The following ZNF334 variants were observed in gnomAD, a reference collection of about 807,000 sequenced individuals.
ZNF334 encodes the protein zinc finger protein 334.
Under a neutral mutation model 12.4 loss-of-function variants are expected in ZNF334, and 14 were observed. The ratio of observed to expected loss-of-function variants is 1.13; its 90% confidence interval spans 0.74 to 1.76. ZNF334 has a LOEUF of 1.76. Ranked by LOEUF, ZNF334 falls within the 40% of genes most tolerant of loss-of-function variation. The pLI is 0.00. For missense variants in ZNF334, 797 were observed against 804.5 expected (o/e 0.99, Z 0.11); for synonymous variants, 273 against 269.6 (o/e 1.01, Z -0.12).
the ZNF334 span, chr20:46,464,506 C>A: frequency 2.7e-4 from 131 of 490,196 alleles, 1 homozygote; most frequent in African/African-American, 2.2e-3. Context: ...TGCTGCACTG[C>A]ACAGCAAATG....
At chr20:46,498,700 C>T (rs1463160622), downstream of ZNF334, among the ~76,000 whole-genome samples, 1 of 152,154 alleles carries the variant, frequency 6.6e-6, no homozygotes, top group Non-Finnish European at 1.5e-5. Context: ...AATTGTCTCC[C>T]CAAAATGTGT....
the ZNF334 span, among the ~76,000 whole-genome samples, chr20:46,483,694 CTT>C: frequency 6.6e-6 from 1 of 152,088 alleles, no homozygotes; most frequent in Non-Finnish European, 1.5e-5. Context: ...TCTGGGCTCT[CTT>C]TCTTTGATCT....
At chr20:46,512,163 T>C in intron 1 of ZNF334, 23 bp from the exon 2 acceptor site, 4 of 1,594,176 alleles carry the variant, frequency 2.5e-6, no homozygotes, top group Non-Finnish European at 3.4e-6. Flanking sequence ...GAATGGCGAA[T>C]GGAATCATGA....
chr20:46,474,051 G>T, the ZNF334 span, among the ~76,000 whole-genome samples: 1 of 152,188 alleles, frequency 6.6e-6, no homozygotes, highest in Non-Finnish European at 1.5e-5. Context: ...TCTTCTGAGG[G>T]ATGCTAAATG....
chr20:46,488,747 CT>C, the ZNF334 span, among the ~76,000 whole-genome samples: 2 of 146,950 alleles, frequency 1.4e-5, no homozygotes, highest in African/African-American at 5.0e-5. Flanking sequence ...CTGGAAAGGT[CT>C]TTTGTTTGTC....
At chr20:46,489,889 T>G in the ZNF334 span, among the ~76,000 whole-genome samples, 1 of 152,300 alleles carries the variant, frequency 6.6e-6, no homozygotes, top group East Asian at 1.9e-4. Context: ...ATCTTATCAG[T>G]GGCAGATTTT....
the ZNF334 span, among the ~76,000 whole-genome samples, chr20:46,477,619 G>C: frequency 6.6e-6 from 1 of 152,228 alleles, no homozygotes; most frequent in Non-Finnish European, 1.5e-5. Context: ...TTACAGGTAT[G>C]AGCCGCCATG....
downstream of ZNF334, among the ~76,000 whole-genome samples, chr20:46,497,562 C>T (rs572600433): frequency 1.2e-4 from 19 of 152,316 alleles, no homozygotes. Context: ...AACTAATATA[C>T]TATCTTCCCC....
Position 46,501,112 on chromosome 20 carries a change from T to C in ZNF334, c.*184A>G. Reference sequence around the variant, plus strand: ...TAGTTCACAATGAATAATACATTTATTAAACAAATTATTTCTTTCCTACAT... The same window carrying C: ...TAGTTCACAATGAATAATACATTTACTAAACAAATTATTTCTTTCCTACAT... On this transcript the variant is annotated 3_prime_UTR_variant, in exon 5 of 5. Transcript: ENST00000692313. The C allele has an allele frequency of 4.5e-6, 3 of 664,100 alleles. No individual in the cohort carries two copies. The highest frequency in any genetic ancestry group is 7.2e-6 in the Non-Finnish European group (3 of 416,238). 41.1% of individuals were successfully genotyped at this position (664,100 alleles called of 1,614,324 possible). A position where few individuals can be genotyped will look rare whatever the true frequency, so the allele number is the denominator to read the frequency against.
At chr20:46,504,856 T>C (rs2061376552) in intron 2 of ZNF334, 116 bp from the exon 3 acceptor site, 3 of 876,980 alleles carry the variant, frequency 3.4e-6, no homozygotes, top group Non-Finnish European at 5.0e-6. Context: ...AGAGATGTAA[T>C]TGTGGGAGGG....
At chr20:46,496,044 G>T (rs1030299346), downstream of ZNF334, among the ~76,000 whole-genome samples, 1 of 152,148 alleles carries the variant, frequency 6.6e-6, no homozygotes, top group African/African-American at 2.4e-5. Flanking sequence ...GCCACTTCAG[G>T]TCTAGGAATT....
At chr20:46,499,609 TA>T (rs1240842604), downstream of ZNF334, 1 of 152,206 alleles carries the variant, frequency 6.6e-6, no homozygotes, top group Non-Finnish European at 1.5e-5. Flanking sequence ...GAGATAAATT[TA>T]GACAAATTTG....
At chr20:46,483,921 T>C in the ZNF334 span, among the ~76,000 whole-genome samples, 1 of 152,230 alleles carries the variant, frequency 6.6e-6, no homozygotes, top group Non-Finnish European at 1.5e-5. Flanking sequence ...ATGTATATAC[T>C]TGGGAGACCT....
In ZNF334 at chr20:46,502,069, G is replaced by C. The variant is rs143794973; in HGVS notation, c.1270C>G (p.Arg424Gly). Residue 424 changes from arginine (R) to glycine (G), a missense_variant, in exon 5 of 5, where the codon CGA becomes GGA. Transcript: ENST00000692313. ...GGCTTCTCTCCTGTATGACTTCTTC[G>C]ATGCACATTGAGGGCAGATTGACAA... ...FFCQSALNVH[R>G]RSHTGEKPYE... 5 of 1,613,968 alleles carry C rather than the reference G, an allele frequency of 3.1e-6. No individual in the cohort carries two copies. Among genetic ancestry groups the C allele is most frequent in the Non-Finnish European group, 4.2e-6 (5 of 1,180,004 alleles).
rs370300845 is a variant in ZNF334 at position 46,512,113 on chromosome 20, G to C, written c.-11C>G. On this transcript the variant is annotated 5_prime_UTR_variant, in exon 2 of 5. Transcript: ENST00000692313. Reference sequence around the variant, plus strand: ...TTTTTTCATTTTCATGTTCTCTTGAGAAAGGGCCAAGAGTGTTGAAAGCAG... The same window carrying C: ...TTTTTTCATTTTCATGTTCTCTTGACAAAGGGCCAAGAGTGTTGAAAGCAG... 5 of 1,613,630 alleles carry C rather than the reference G, an allele frequency of 3.1e-6. No individual in the cohort carries two copies. The African/African-American group carries it at 6.7e-5, about 22-fold the overall frequency.
At chr20:46,494,283 A>G in the ZNF334 span, among the ~76,000 whole-genome samples, 1 of 152,208 alleles carries the variant, frequency 6.6e-6, no homozygotes, top group Non-Finnish European at 1.5e-5. Flanking sequence ...GATTGGCCTC[A>G]ATCCATAGAC....
the ZNF334 span, among the ~76,000 whole-genome samples, chr20:46,463,196 G>A: frequency 2.0e-5 from 3 of 152,276 alleles, no homozygotes; most frequent in South Asian, 2.1e-4. Flanking sequence ...GCAGTGAGCC[G>A]AGATCGTGTG....
chr20:46,487,919 T>C, the ZNF334 span, among the ~76,000 whole-genome samples: 1 of 152,210 alleles, frequency 6.6e-6, no homozygotes, highest in African/African-American at 2.4e-5. Flanking sequence ...GATCTTGCCC[T>C]CTAAGGGCAC....
At chr20:46,485,623 C>T in the ZNF334 span, 12 of 152,050 alleles carry the variant, frequency 7.9e-5, no homozygotes, top group Admixed American at 6.5e-4. Flanking sequence ...ACTTGTTTCT[C>T]GAGTTTCAGT....
Sources: gnomAD v4.1 joint callset for allele counts (sites outside exome capture counted in the v4.1 genomes callset) on GRCh38, gnomAD v4.1.1 for gene constraint, MANE v1.5 for transcripts, NCBI Gene and HGNC (gene_info 2026-07-23, HGNC 2026-07-21) for gene names.